Variants in SLC44A1 observed in about 807,000 individuals in gnomAD.
SLC44A1 encodes the protein solute carrier family 44 member 1.
A neutral mutation model predicts 79.3 loss-of-function variants in SLC44A1; 26 were observed. That is an observed-to-expected ratio of 0.33 (90% CI 0.24 to 0.46). The LOEUF (loss-of-function observed/expected upper bound fraction) is 0.46, where lower values mean the gene tolerates loss of function less well. Ranked by LOEUF, SLC44A1 falls within the 20% of genes least tolerant of loss-of-function variation. The pLI, the probability that SLC44A1 is intolerant of heterozygous loss-of-function variation, is 1.00. For missense variants in SLC44A1, 688 were observed against 798.1 expected (o/e 0.86, Z 1.66); for synonymous variants, 263 against 286.2 (o/e 0.92, Z 0.82).
At chr9:105,299,093 T>C (rs1830806599) in intron 1 of SLC44A1, 127 bp from the exon 2 acceptor site, 2 of 634,510 alleles carry the variant, frequency 3.2e-6, no homozygotes, top group Admixed American at 6.5e-5. Context: ...ATTTGAGTTG[T>C]GTCTTAAAGG....
At chr9:105,282,598 G>C (rs1830380701) in intron 1 of SLC44A1, among the ~76,000 whole-genome samples, 1 of 151,980 alleles carries the variant, frequency 6.6e-6, no homozygotes. Flanking sequence ...AGCCAGGCTG[G>C]AGTGCAGTGG....
intron 2 of SLC44A1, among the ~76,000 whole-genome samples, chr9:105,299,590 G>A (rs1830823135): frequency 6.6e-6 from 1 of 152,340 alleles, no homozygotes; most frequent in African/African-American, 2.4e-5. Flanking sequence ...GTGACCATGA[G>A]TCATGAGCCC....
At position 105,392,631 on chromosome 9, in the gene SLC44A1, A is replaced by G; in HGVS notation, c.*3575A>G. ...CTCCCTCCCTCTTCAAAACAGCTAC[A>G]GGAACTGCAGGCACCACATATGTGT... On this transcript the variant is annotated 3_prime_UTR_variant, in exon 16 of 16. Coordinates refer to ENST00000374720, the MANE Select transcript of SLC44A1 (RefSeq NM_080546.5). 1.0e-6 allele frequency: 1 copy of G among 985,388 alleles called. No individual in the cohort carries two copies. Among genetic ancestry groups the G allele is most frequent in the African/African-American group, 1.7e-5 (1 of 57,328 alleles). The allele number at this position is 985,388 out of a possible 1,614,324, so 61.0% of individuals were successfully genotyped here. A position where few individuals can be genotyped will look rare whatever the true frequency, so the allele number is the denominator to read the frequency against.
At chr9:105,325,656 C>G (rs1368461961) in intron 3 of SLC44A1, among the ~76,000 whole-genome samples, 1 of 152,170 alleles carries the variant, frequency 6.6e-6, no homozygotes, top group African/African-American at 2.4e-5. Context: ...GGGAGGAACT[C>G]TCATAATCCA....
intron 7 of SLC44A1, among the ~76,000 whole-genome samples, chr9:105,358,863 C>T (rs1004951606): frequency 7.1e-4 from 108 of 152,140 alleles, no homozygotes; most frequent in African/African-American, 1.9e-3. Context: ...TGATGGTATA[C>T]GTTACATTTT....
chr9:105,280,235 T>G lies in SLC44A1; in HGVS notation c.37-18985T>G, dbSNP rs192971228. 6.3e-4 allele frequency among the ~76,000 whole-genome samples: 96 copies of G among 152,338 alleles called. 1 individual carries two copies. The highest frequency in any genetic ancestry group is 3.4e-3 in the Middle Eastern group (1 of 294). On this transcript the variant is annotated intron_variant, in intron 1 of 15. Coordinates refer to ENST00000374720, the MANE Select transcript of SLC44A1 (RefSeq NM_080546.5). ...TAGTGGTCAACACTGTGTTGCAGTTTAGCAATAATGGTCATGAGTTGAGGT... is the reference window on the plus strand; with the variant it reads ...TAGTGGTCAACACTGTGTTGCAGTTGAGCAATAATGGTCATGAGTTGAGGT...
intron 1 of SLC44A1, among the ~76,000 whole-genome samples, chr9:105,264,182 T>C (rs144711969): frequency 1.6e-4 from 25 of 152,232 alleles, no homozygotes; most frequent in Non-Finnish European, 2.9e-5. Context: ...TTTGTTTGTT[T>C]GAGATGGAGT....
chr9:105,307,673 G>A (rs909239253), intron 2 of SLC44A1, among the ~76,000 whole-genome samples: 7 of 151,764 alleles, frequency 4.6e-5, no homozygotes, highest in Non-Finnish European at 7.4e-5. Flanking sequence ...TGTTGGAAAG[G>A]TTAGCTATTA....
At chr9:105,380,260 C>T (rs941810130) in intron 13 of SLC44A1, among the ~76,000 whole-genome samples, 1 of 152,200 alleles carries the variant, frequency 6.6e-6, no homozygotes, top group Non-Finnish European at 1.5e-5. Context: ...AAACTAGTTT[C>T]CTTTCCTTCC....
intron 1 of SLC44A1, among the ~76,000 whole-genome samples, chr9:105,289,359 T>A (rs1000591689): frequency 2.0e-5 from 3 of 152,148 alleles, no homozygotes; most frequent in Non-Finnish European, 2.9e-5. Flanking sequence ...ATGGAATAGG[T>A]TTTCATTTGA....
chr9:105,249,659 G>C (rs1285757665), intron 1 of SLC44A1, among the ~76,000 whole-genome samples: 1 of 151,120 alleles, frequency 6.6e-6, no homozygotes, highest in Non-Finnish European at 1.5e-5. Context: ...CAAGTAGCTG[G>C]GATTACAGGT....
chr9:105,365,697 C>T (rs1418054660), intron 11 of SLC44A1, 58 bp downstream of exon 11: 2 of 1,469,974 alleles, frequency 1.4e-6, no homozygotes, highest in South Asian at 1.2e-5. Flanking sequence ...CTCAGTTCTG[C>T]ATGTAGTAAA....
chr9:105,390,666 T>C lies in SLC44A1; in HGVS notation c.*1610T>C. 2 of 985,588 alleles carry C rather than the reference T, an allele frequency of 2.0e-6. No individual in the cohort carries two copies. Among genetic ancestry groups the C allele is most frequent in the East Asian group, 1.1e-4 (1 of 8,814 alleles). The allele number at this position is 985,588 out of a possible 1,614,324, so 61.1% of individuals were successfully genotyped here. A position where few individuals can be genotyped will look rare whatever the true frequency, so the allele number is the denominator to read the frequency against. ...GTAAATTGTATTTTTTTTTAAGTAT[T>C]GGTGTTCTTTACTCTAGCTAGGCTA... On this transcript the variant is annotated 3_prime_UTR_variant, in exon 16 of 16. Transcript: ENST00000374720.
intron 4 of SLC44A1, among the ~76,000 whole-genome samples, chr9:105,337,063 A>G (rs1425156787): frequency 1.3e-5 from 2 of 152,190 alleles, no homozygotes; most frequent in African/African-American, 4.8e-5. Flanking sequence ...CTCATTTTTT[A>G]TTCCCATATT....
intron 3 of SLC44A1, among the ~76,000 whole-genome samples, chr9:105,332,451 G>C (rs888959731): frequency 1.4e-4 from 22 of 152,236 alleles, no homozygotes; most frequent in African/African-American, 5.3e-4. Context: ...ATGGAAGGCA[G>C]GTAAGATACA....
intron 1 of SLC44A1, among the ~76,000 whole-genome samples, chr9:105,251,880 C>G (rs1193670591): frequency 6.6e-6 from 1 of 152,194 alleles, no homozygotes; most frequent in African/African-American, 2.4e-5. Context: ...CCTGTGAGCA[C>G]TTAAAGCAGT....
Position 105,396,404 on chromosome 9 carries a change from G to C in SLC44A1, c.*7348G>C. 1 of 985,442 alleles carries C rather than the reference G, an allele frequency of 1.0e-6. No individual in the cohort carries two copies. The highest frequency in any genetic ancestry group is 1.2e-6 in the Non-Finnish European group (1 of 829,936). 61.0% of individuals were successfully genotyped at this position (985,442 alleles called of 1,614,324 possible). A position where few individuals can be genotyped will look rare whatever the true frequency, so the allele number is the denominator to read the frequency against. ...ACAGGGGCTTCAAAAAACAACCAAA[G>C]ACAAAACCCTATCTTCTGAAGACCA... On this transcript the variant is annotated 3_prime_UTR_variant, in exon 16 of 16. Transcript: ENST00000374720.
intron 3 of SLC44A1, among the ~76,000 whole-genome samples, chr9:105,325,653 ACT>A (rs1826551116): frequency 6.6e-6 from 1 of 152,134 alleles, no homozygotes; most frequent in Non-Finnish European, 1.5e-5. Flanking sequence ...CAAGGGAGGA[ACT>A]CTCATAATCC....
intron 3 of SLC44A1, among the ~76,000 whole-genome samples, chr9:105,322,677 G>C (rs1157213359): frequency 6.6e-6 from 1 of 152,250 alleles, no homozygotes; most frequent in Admixed American, 6.5e-5. Context: ...TACTGTGAAA[G>C]TAGTCAGTGT....
Sources: allele counts gnomAD v4.1 joint callset (sites outside exome capture counted in the v4.1 genomes callset), GRCh38; gene constraint gnomAD v4.1.1; transcripts MANE v1.5; gene names NCBI Gene and HGNC (gene_info 2026-07-23, HGNC 2026-07-21).